FSTL4: variants seen among roughly 807,000 people sequenced by gnomAD.
The protein encoded by FSTL4 is follistatin-related protein 4.
A neutral mutation model predicts 78.2 loss-of-function variants in FSTL4; 28 were observed. The observed-to-expected ratio is 0.36, with a 90% CI of 0.27 to 0.49. The LOEUF (loss-of-function observed/expected upper bound fraction) is 0.49, where lower values mean the gene tolerates loss of function less well. FSTL4 is among the 20% of genes least tolerant of loss of function. The pLI is 0.98. For synonymous variants in FSTL4, 422 were observed against 440.5 expected (o/e 0.96, Z 0.53); for missense variants, 922 against 1,084.9 (o/e 0.85, Z 2.11).
At chr5:133,463,710 G>T (rs529210653) in intron 3 of FSTL4, among the ~76,000 whole-genome samples, 2 of 152,280 alleles carry the variant, frequency 1.3e-5, no homozygotes, top group East Asian at 3.9e-4. Context: ...ACAATATCCT[G>T]TGTCAAGGAG....
intron 3 of FSTL4, among the ~76,000 whole-genome samples, chr5:133,539,455 A>C (rs1759423369): frequency 6.6e-6 from 1 of 152,130 alleles, no homozygotes; most frequent in Non-Finnish European, 1.5e-5. Flanking sequence ...CTGAATCTGA[A>C]GACCTGTAAA....
intron 2 of FSTL4, among the ~76,000 whole-genome samples, chr5:133,568,730 G>A (rs933291565): frequency 2.6e-5 from 4 of 152,138 alleles, no homozygotes; most frequent in Non-Finnish European, 5.9e-5. Context: ...CTCCCAAACT[G>A]TTCCTCAGTA....
chr5:133,257,886 T>C (rs1752421693), intron 6 of FSTL4, among the ~76,000 whole-genome samples: 1 of 152,186 alleles, frequency 6.6e-6, no homozygotes, highest in Non-Finnish European at 1.5e-5. Context: ...AAGGAGAGTA[T>C]CCTAACTGCC....
At chr5:133,662,520 GT>G in the FSTL4 span, among the ~76,000 whole-genome samples, 2 of 151,712 alleles carry the variant, frequency 1.3e-5, no homozygotes, top group African/African-American at 4.9e-5. Flanking sequence ...ACAGCCTGTT[GT>G]CCCTGCCAAA....
the FSTL4 span, among the ~76,000 whole-genome samples, chr5:133,785,553 C>A: frequency 6.6e-6 from 1 of 152,172 alleles, no homozygotes; most frequent in Non-Finnish European, 1.5e-5. Context: ...TGGGGGCAAG[C>A]ACTTGTTTTT....
chr5:133,205,392 T>C (rs1449128329), intron 14 of FSTL4, among the ~76,000 whole-genome samples: 3 of 151,436 alleles, frequency 2.0e-5, no homozygotes, highest in East Asian at 1.9e-4. Flanking sequence ...TTTGCGTGTG[T>C]GTGTGTGTGT....
At chr5:133,837,073 C>T in the FSTL4 span, among the ~76,000 whole-genome samples, 1 of 152,068 alleles carries the variant, frequency 6.6e-6, no homozygotes. Context: ...GCATGTTAGA[C>T]CATTTTACCA....
At chr5:133,742,618 T>A in the FSTL4 span, among the ~76,000 whole-genome samples, 1 of 151,582 alleles carries the variant, frequency 6.6e-6, no homozygotes, top group Non-Finnish European at 1.5e-5. Context: ...GGTCCTCAGC[T>A]CTCGGAGGGC....
chr5:133,775,698 C>T, the FSTL4 span, among the ~76,000 whole-genome samples: 1 of 152,194 alleles, frequency 6.6e-6, no homozygotes, highest in Non-Finnish European at 1.5e-5. Context: ...GTGGTACCTG[C>T]TCCTACTGAT....
At chr5:133,616,672 G>A (rs1310997341), upstream of FSTL4, among the ~76,000 whole-genome samples, 2 of 152,034 alleles carry the variant, frequency 1.3e-5, no homozygotes, top group Non-Finnish European at 2.9e-5. Flanking sequence ...CAAAGAGCTG[G>A]GATTACAGGC....
chr5:133,832,120 G>T, the FSTL4 span, among the ~76,000 whole-genome samples: 1 of 152,236 alleles, frequency 6.6e-6, no homozygotes, highest in African/African-American at 2.4e-5. Flanking sequence ...TCTGAAGCTG[G>T]TGGAGGGGTT....
chr5:133,300,867 C>G (rs896717398), intron 6 of FSTL4, among the ~76,000 whole-genome samples: 1 of 151,640 alleles, frequency 6.6e-6, no homozygotes. Context: ...CACGGGACAC[C>G]TGTTCTGAAT....
At chr5:133,436,255 G>C (rs944995510) in intron 3 of FSTL4, among the ~76,000 whole-genome samples, 1 of 152,210 alleles carries the variant, frequency 6.6e-6, no homozygotes, top group African/African-American at 2.4e-5. Flanking sequence ...ATTTAGTTTG[G>C]TGGAATTGGC....
the FSTL4 span, among the ~76,000 whole-genome samples, chr5:133,677,242 C>T: frequency 1.3e-5 from 2 of 152,204 alleles, no homozygotes; most frequent in African/African-American, 4.8e-5. Context: ...GAAAATTCTT[C>T]TGCTAAGACT....
intron 10 of FSTL4, among the ~76,000 whole-genome samples, chr5:133,224,608 T>C (rs1751265595): frequency 6.6e-6 from 1 of 152,232 alleles, no homozygotes; most frequent in South Asian, 2.1e-4. Flanking sequence ...CTTCTGATTA[T>C]CTACTTTGAT....
At chr5:133,536,323 T>G (rs1759349401) in intron 3 of FSTL4, among the ~76,000 whole-genome samples, 1 of 152,218 alleles carries the variant, frequency 6.6e-6, no homozygotes, top group Non-Finnish European at 1.5e-5. Context: ...ACTGGAAACC[T>G]ACAGTACATT....
the FSTL4 span, among the ~76,000 whole-genome samples, chr5:133,760,839 G>A: frequency 8.7e-4 from 133 of 152,328 alleles, 2 homozygotes; most frequent in East Asian, 0.016. Context: ...CAGCCATGGT[G>A]GCTTGGTGTG....
At chr5:133,280,032 G>T (rs1424617211) in intron 6 of FSTL4, among the ~76,000 whole-genome samples, 1 of 152,232 alleles carries the variant, frequency 6.6e-6, no homozygotes, top group African/African-American at 2.4e-5. Flanking sequence ...TTTGAAGGGA[G>T]TGTGATCCTG....
chr5:133,444,903 C>T (rs1757230163), intron 3 of FSTL4, among the ~76,000 whole-genome samples: 2 of 152,174 alleles, frequency 1.3e-5, no homozygotes, highest in South Asian at 2.1e-4. Context: ...GGGCGAGATG[C>T]CAGATTGCTC....
Sources: allele counts gnomAD v4.1 joint callset (sites outside exome capture counted in the v4.1 genomes callset), GRCh38; gene constraint gnomAD v4.1.1; transcripts MANE v1.5; gene names NCBI Gene and HGNC (gene_info 2026-07-23, HGNC 2026-07-21).